URB1: variants seen among roughly 807,000 people sequenced by gnomAD.
URB1 encodes nucleolar pre-ribosomal-associated protein 1.
A neutral mutation model predicts 242.3 loss-of-function variants in URB1; 197 were observed. That is an observed-to-expected ratio of 0.81 (90% CI 0.72 to 0.91). The LOEUF is 0.91. URB1 is among the 40% of genes least tolerant of loss of function. The pLI, the probability that URB1 is intolerant of heterozygous loss-of-function variation, is 0.00. For missense variants in URB1, 2,721 were observed against 2,860.5 expected (o/e 0.95, Z 1.11); for synonymous variants, 1,153 against 1,201.8 (o/e 0.96, Z 0.84).
chr21:32,319,896 C>T (rs553847298), intron 35 of URB1, among the ~76,000 whole-genome samples: 2 of 152,156 alleles, frequency 1.3e-5, no homozygotes, highest in Non-Finnish European at 2.9e-5. Context: ...ACAAAAGGGC[C>T]TGCATTCTCC....
In URB1 at chr21:32,383,453, A is replaced by G. The variant is rs1214493414; in HGVS notation, c.536T>C (p.Leu179Pro). ...CSHFDLNKKT[L>P]YTLVTKRDSK... Reference sequence around the variant, plus strand: ...ATCCCTCTTGGTCACCAGGGTGTACAGGGTCTTTTTATTCAAATCAAAATG... The same window carrying G: ...ATCCCTCTTGGTCACCAGGGTGTACGGGGTCTTTTTATTCAAATCAAAATG... Residue 179 changes from leucine (L) to proline (P), a missense_variant, in exon 4 of 39, where the codon CTG becomes CCG. Coordinates refer to ENST00000382751, the MANE Select transcript of URB1 (RefSeq NM_014825.3). 10 of 1,551,506 alleles carry G rather than the reference A, an allele frequency of 6.4e-6. No homozygotes were observed. Among genetic ancestry groups the G allele is most frequent in the African/African-American group, 2.7e-5 (2 of 73,028 alleles).
intron 15 of URB1, 43 bp from the exon 16 acceptor site, chr21:32,355,608 C>A (rs1000753906): frequency 2.0e-6 from 3 of 1,468,776 alleles, no homozygotes; most frequent in African/African-American, 2.8e-5. Flanking sequence ...GAACAGAACG[C>A]GCTTTCTTTC....
rs756455630 is a variant in URB1, at chr21:32,363,185, C to T, written c.1480G>A (p.Val494Met). 8 of 1,552,022 alleles carry T rather than the reference C, an allele frequency of 5.2e-6. No individual in the cohort carries two copies. Among genetic ancestry groups the T allele is most frequent in the Non-Finnish European group, 6.1e-6 (7 of 1,147,066 alleles). The change falls in exon 11 of 39, where the codon GTG becomes ATG. Residue 494 changes from valine to methionine, a missense_variant. Coordinates refer to ENST00000382751, the MANE Select transcript of URB1 (RefSeq NM_014825.3). ...CTCAGGGCTTCTCTGAAGAGCTGCA[C>T]GAATTCTTCCATCATCACAGCTGTG... ...VYTAVMMEEF[V>M]QLFREALSKI...
intron 20 of URB1, 141 bp downstream of exon 20, chr21:32,350,563 C>A: frequency 1.0e-6 from 1 of 989,320 alleles, no homozygotes; most frequent in Non-Finnish European, 1.5e-6. Context: ...CAGCTGAGGT[C>A]TGGACAGAAC....
At chr21:32,339,494 CTT>C (rs751108545) in intron 25 of URB1, among the ~76,000 whole-genome samples, 8 of 139,084 alleles carry the variant, frequency 5.8e-5, no homozygotes, top group Non-Finnish European at 7.9e-5. Context: ...TTTTTTTTTT[CTT>C]TTTTTTTTTT....
intron 5 of URB1, among the ~76,000 whole-genome samples, chr21:32,376,096 TTAAC>T (rs771856244): frequency 2.0e-4 from 30 of 152,232 alleles, no homozygotes; most frequent in Non-Finnish European, 4.1e-4. Context: ...CATATTAAAA[TTAAC>T]TAAATACTAT....
chr21:32,378,240 C>T (rs974907135), intron 5 of URB1, among the ~76,000 whole-genome samples: 2 of 152,208 alleles, frequency 1.3e-5, no homozygotes, highest in African/African-American at 4.8e-5. Context: ...ACAGGAACAA[C>T]TCTGTTCACT....
chr21:32,359,748 G>A, intron 14 of URB1, 48 bp downstream of exon 14: 1 of 1,482,360 alleles, frequency 6.7e-7, no homozygotes, highest in Non-Finnish European at 9.0e-7. Flanking sequence ...AAGCCACCCG[G>A]CCCAGCAGGT....
At chr21:32,392,218 C>A (rs1689670806) in intron 1 of URB1, among the ~76,000 whole-genome samples, 1 of 152,162 alleles carries the variant, frequency 6.6e-6, no homozygotes, top group African/African-American at 2.4e-5. Context: ...GAAGGGTGGT[C>A]ACACTTTACA....
In URB1 at chr21:32,392,987, A is replaced by C. The variant is rs2033658470; in HGVS notation, c.-77T>G. 4.3e-6 allele frequency: 6 copies of C among 1,411,686 alleles called. No homozygotes were observed. The highest frequency in any genetic ancestry group is 5.5e-6 in the Non-Finnish European group (6 of 1,081,182). The allele number at this position is 1,411,686 out of a possible 1,614,324, so 87.4% of individuals were successfully genotyped here. A position where few individuals can be genotyped will look rare whatever the true frequency, so the allele number is the denominator to read the frequency against. On this transcript the variant is annotated 5_prime_UTR_variant, in exon 1 of 39. Transcript: ENST00000382751. ...AGGAGCACTGGCACAGACAGCAGACACGCGCTTCAGGCCCACATGGCGCAG... is the reference window on the plus strand; with the variant it reads ...AGGAGCACTGGCACAGACAGCAGACCCGCGCTTCAGGCCCACATGGCGCAG...
At chr21:32,388,710 T>C (rs542834313) in intron 1 of URB1, among the ~76,000 whole-genome samples, 44 of 152,352 alleles carry the variant, frequency 2.9e-4, no homozygotes, top group African/African-American at 1.0e-3. Flanking sequence ...ATGCAAGTGA[T>C]AGCAAGGGCT....
intron 12 of URB1, 104 bp downstream of exon 12, chr21:32,361,787 CA>C: frequency 2.1e-6 from 3 of 1,438,046 alleles, no homozygotes; most frequent in Non-Finnish European, 2.7e-6. Context: ...TGCCTTGAAA[CA>C]AAAACTGCTC....
chr21:32,380,278 AG>A (rs1336055787), intron 4 of URB1, among the ~76,000 whole-genome samples: 1 of 152,228 alleles, frequency 6.6e-6, no homozygotes, highest in East Asian at 1.9e-4. Context: ...ATGTGGATCA[AG>A]GCCTTGCACA....
At position 32,373,772 on chromosome 21, in the gene URB1, C is replaced by T. The variant is rs754928098; in HGVS notation, c.751G>A (p.Val251Ile). ...TTTGTGATATTTTTATTGTGAACTA[C>T]CTGAAACAATAATAAAACAAATTAT... Reference protein sequence around the residue: ...NILLSTLKTKVVHNKNITKTQ... With the variant: ...NILLSTLKTKIVHNKNITKTQ... The change falls in exon 7 of 39, where the codon GTA (valine) becomes ATA (isoleucine). Residue 251 changes from valine to isoleucine, a missense_variant and splice_region_variant. Physicochemically the swap from Val to Ile is conservative, Grantham distance 29. Transcript: ENST00000382751. 6.6e-7 allele frequency: 1 copy of T among 1,514,644 alleles called. No homozygotes were observed. The highest frequency in any genetic ancestry group is 8.8e-7 in the Non-Finnish European group (1 of 1,136,222). The allele number at this position is 1,514,644 out of a possible 1,614,324, so 93.8% of individuals were successfully genotyped here.
chr21:32,347,729 G>T lies in URB1; in HGVS notation c.3095C>A (p.Pro1032Gln). Residue 1032 changes from proline (P) to glutamine (Q), a missense_variant, in exon 22 of 39, where the codon CCG (proline) becomes CAG (glutamine). Coordinates refer to ENST00000382751, the MANE Select transcript of URB1 (RefSeq NM_014825.3). ...WFLALEQQALPPHTLSPVLVK... is the reference protein window; with the variant it reads ...WFLALEQQALQPHTLSPVLVK... The stretch of plus-strand genomic sequence containing the variant: ...GAGGACAGGGCTGAGCGTGTGCGGC[G>T]GGAGGGCCTGCTGCTCCAGGGCCAG... 5 of 1,550,338 alleles carry T rather than the reference G, an allele frequency of 3.2e-6. No individual in the cohort carries two copies. Among genetic ancestry groups the T allele is most frequent in the Non-Finnish European group, 4.4e-6 (5 of 1,146,980 alleles).
rs149442784 is a variant in URB1 at position 32,323,857 on chromosome 21, G to A, written c.5233+634C>T. ...GCATTCGCTGTAGTCCCAGCTACTC[G>A]GGAGGCTGAGGTAAGAGATTACCTG... On this transcript the variant is annotated intron_variant, in intron 32 of 38. Transcript: ENST00000382751. Among the ~76,000 whole-genome samples, 11 of 152,214 alleles carry A rather than the reference G, an allele frequency of 7.2e-5. 1 individual carries two copies. In the East Asian group the frequency reaches 1.9e-3, roughly 27 times the overall value.
chr21:32,384,853 C>T (rs888550668), intron 2 of URB1, among the ~76,000 whole-genome samples: 29 of 152,142 alleles, frequency 1.9e-4, no homozygotes, highest in African/African-American at 6.8e-4. Context: ...TGGTGGCGGG[C>T]GCCTGTAGTC....
At chr21:32,369,412 A>C (rs982145701) in intron 8 of URB1, among the ~76,000 whole-genome samples, 1 of 152,202 alleles carries the variant, frequency 6.6e-6, no homozygotes, top group Non-Finnish European at 1.5e-5. Context: ...GTGTAAAAAA[A>C]TGCAGATAAG....
rs556427141 is a variant in URB1 at position 32,340,749 on chromosome 21, A to G, written c.4316+717T>C. ...ACATGATAGAGACTGTAAGACTATA[A>G]TGGGAGAGAATGAGAGAATGAGACA... On this transcript the variant is annotated intron_variant, in intron 25 of 38. Transcript: ENST00000382751. Among the ~76,000 whole-genome samples the G allele has an allele frequency of 7.9e-5, 12 of 152,302 alleles. No individual in the cohort carries two copies. In the South Asian group the frequency reaches 2.5e-3, roughly 32 times the overall value.
Sources: allele counts gnomAD v4.1 joint callset (sites outside exome capture counted in the v4.1 genomes callset), GRCh38; gene constraint gnomAD v4.1.1; transcripts MANE v1.5; gene names NCBI Gene and HGNC (gene_info 2026-07-23, HGNC 2026-07-21).